ARHGAP6: variants seen among roughly 807,000 people sequenced by gnomAD.
ARHGAP6 encodes Rho GTPase activating protein 6, also known as rho GTPase-activating protein 6.
A neutral mutation model predicts 55.7 loss-of-function variants in ARHGAP6; 16 were observed. The ratio of observed to expected loss-of-function variants is 0.29; its 90% CI spans 0.19 to 0.44. ARHGAP6 has a LOEUF of 0.44. Among genes scored for constraint, ARHGAP6 ranks in the 20% least tolerant of loss-of-function variants. ARHGAP6 has a pLI of 1.00. For synonymous variants in ARHGAP6, 382 were observed against 360.9 expected, an observed-to-expected ratio of 1.06 and a Z score of -0.66; for missense variants, 698 against 808.9, an observed-to-expected ratio of 0.86 and a Z score of 1.66.
At chrX:11,354,327 C>CTCTCTCTCTCTA (rs1343744315) in intron 1 of ARHGAP6, among the ~76,000 whole-genome samples, 13 of 32,348 alleles carry the variant, frequency 4.0e-4, no homozygotes, top group African/African-American at 5.4e-4. Context: ...CTCTCTCTCT[C>CTCTCTCTCTCTA]TATATATATA....
intron 1 of ARHGAP6, among the ~76,000 whole-genome samples, chrX:11,586,244 G>A (rs1471619313): frequency 1.8e-5 from 2 of 111,953 alleles, no homozygotes; most frequent in Non-Finnish European, 3.8e-5. Context: ...TGAAATATTT[G>A]CCCATTCCTA....
intron 4 of ARHGAP6, 56 bp from the exon 5 acceptor site, chrX:11,186,487 GC>G: frequency 2.1e-6 from 2 of 943,959 alleles, no homozygotes; most frequent in Non-Finnish European, 1.5e-6. Flanking sequence ...AAACCCAGCT[GC>G]CCCCAGATGC....
At chrX:11,315,211 G>A (rs771050983) in intron 1 of ARHGAP6, among the ~76,000 whole-genome samples, 4 of 112,391 alleles carry the variant, frequency 3.6e-5, no homozygotes, top group African/African-American at 6.5e-5. Context: ...TTTGGCACCA[G>A]GGACCGGTTT....
chrX:11,618,279 A>T (rs1448260353), intron 1 of ARHGAP6, among the ~76,000 whole-genome samples: 3 of 112,100 alleles, frequency 2.7e-5, no homozygotes, highest in Non-Finnish European at 5.6e-5. Flanking sequence ...GAACTGTAAG[A>T]TAACAAATTT....
chrX:11,630,194 G>A (rs748054528), intron 1 of ARHGAP6, among the ~76,000 whole-genome samples: 1 of 112,007 alleles, frequency 8.9e-6, no homozygotes, highest in South Asian at 3.7e-4. Flanking sequence ...AATTTGGCAT[G>A]TGTTTAGTAG....
At position 11,265,666 on chromosome X, in the gene ARHGAP6, T is replaced by C. The variant is rs1029841056; in HGVS notation, c.589-10959A>G. On this transcript the variant is annotated intron_variant, in intron 1 of 12. Coordinates refer to ENST00000337414, the MANE Select transcript of ARHGAP6 (RefSeq NM_013427.3). The stretch of plus-strand genomic sequence containing the variant: ...ATTTTCTGAAAAAGTAGTGTAAGTA[T>C]AGATATTTATATTGCTTACCCATAA... 5.9e-6 allele frequency: 5 copies of C among 844,625 alleles called. No individual in the cohort carries two copies. The South Asian group carries it at 1.6e-4, about 27-fold the overall frequency. The allele number at this position is 844,625 out of a possible 1,213,427, so 69.6% of individuals were successfully genotyped here.
At chrX:11,318,461 T>G (rs2048386248) in intron 1 of ARHGAP6, among the ~76,000 whole-genome samples, 1 of 111,856 alleles carries the variant, frequency 8.9e-6, no homozygotes, top group Non-Finnish European at 1.9e-5. Flanking sequence ...ATCCCCTATA[T>G]TTTTTGCATA....
intron 2 of ARHGAP6, among the ~76,000 whole-genome samples, chrX:11,202,462 C>A (rs1469461655): frequency 9.0e-6 from 1 of 110,813 alleles, no homozygotes; most frequent in Non-Finnish European, 1.9e-5. Flanking sequence ...TGGATAGTTA[C>A]CTTTACAACA....
In ARHGAP6 at chrX:11,153,237, G is replaced by T. The variant is rs184508052; in HGVS notation, c.1907+3292C>A. Among the ~76,000 whole-genome samples the T allele has an allele frequency of 4.5e-5, 5 of 110,937 alleles. No homozygotes were observed. The Admixed American group carries it at 4.8e-4, about 11-fold the overall frequency. On this transcript the variant is annotated intron_variant, in intron 10 of 12. Coordinates refer to ENST00000337414, the MANE Select transcript of ARHGAP6 (RefSeq NM_013427.3). ...GTGATACCCATGCATAGTAAAGTTTGAGAAGCATGAGTGAGTGAGTTTAAA... is the reference window on the plus strand; with the variant it reads ...GTGATACCCATGCATAGTAAAGTTTTAGAAGCATGAGTGAGTGAGTTTAAA...
chrX:11,298,981 T>G, intron 1 of ARHGAP6: 1 of 1,207,296 alleles, frequency 8.3e-7, no homozygotes, highest in Middle Eastern at 2.3e-4. Flanking sequence ...GTGGTGAGTA[T>G]ATTTTGAAGC....
intron 1 of ARHGAP6, among the ~76,000 whole-genome samples, chrX:11,612,620 C>G (rs1451012830): frequency 2.7e-5 from 3 of 112,096 alleles, no homozygotes; most frequent in Non-Finnish European, 3.8e-5. Context: ...ATGCTGACAC[C>G]CTGATCTTGC....
chrX:11,355,602 G>A (rs2048921534), intron 1 of ARHGAP6, among the ~76,000 whole-genome samples: 2 of 112,185 alleles, frequency 1.8e-5, no homozygotes, highest in African/African-American at 6.5e-5. Flanking sequence ...AAGGATAAGT[G>A]ACTTAAGGGT....
chrX:11,479,696 T>C (rs1376033116), intron 1 of ARHGAP6, among the ~76,000 whole-genome samples: 1 of 111,934 alleles, frequency 8.9e-6, no homozygotes, highest in Non-Finnish European at 1.9e-5. Flanking sequence ...CTGCCAATTA[T>C]GTAGCCAGTC....
At chrX:11,412,731 AATTT>A (rs2049701354) in intron 1 of ARHGAP6, among the ~76,000 whole-genome samples, 1 of 112,157 alleles carries the variant, frequency 8.9e-6, no homozygotes, top group Non-Finnish European at 1.9e-5. Flanking sequence ...GTACCATGGT[AATTT>A]GGAAGCTACC....
At chrX:11,284,797 G>T (rs1479276928) in intron 1 of ARHGAP6, among the ~76,000 whole-genome samples, 1 of 110,896 alleles carries the variant, frequency 9.0e-6, no homozygotes, top group Non-Finnish European at 1.9e-5. Flanking sequence ...TATTTGGGGG[G>T]CTTTCCTGTG....
chrX:11,142,280 G>A lies in ARHGAP6; in HGVS notation c.2210C>T (p.Thr737Ile). 8.3e-7 allele frequency: 1 copy of A among 1,202,591 alleles called. No individual in the cohort carries two copies. Among genetic ancestry groups the A allele is most frequent in the African/African-American group, 1.7e-5 (1 of 57,730 alleles). ...LSEEPFDIWG[T>I]WHSTLKSGSK... ...TCCGCTTTTTAATGTTGAATGCCAA[G>A]TTCCCCAGATATCGAAAGGCTCCTC... The change falls in exon 12 of 13, where the codon ACT (threonine) becomes ATT (isoleucine). Residue 737 changes from threonine to isoleucine, a missense_variant. Around this residue, in one of 3 missense-constraint regions of ARHGAP6, gnomAD observed 322 missense variants for 451.1 expected, o/e 0.71. Transcript: ENST00000337414.
intron 1 of ARHGAP6, among the ~76,000 whole-genome samples, chrX:11,464,351 A>T (rs2050273561): frequency 8.9e-6 from 1 of 112,231 alleles, no homozygotes; most frequent in South Asian, 3.7e-4. Flanking sequence ...CATATGATTA[A>T]TTTTTCTGAC....
intron 1 of ARHGAP6, among the ~76,000 whole-genome samples, chrX:11,455,019 T>C (rs2050183819): frequency 9.0e-6 from 1 of 111,501 alleles, no homozygotes; most frequent in Non-Finnish European, 1.9e-5. Context: ...AAACCAACAC[T>C]TAATTGCTCT....
At chrX:11,392,971 G>T (rs2049427406) in intron 1 of ARHGAP6, among the ~76,000 whole-genome samples, 1 of 111,472 alleles carries the variant, frequency 9.0e-6, no homozygotes, top group Admixed American at 9.6e-5. Flanking sequence ...GATTTTTAAT[G>T]GGGGCCCTTT....
Sources: gnomAD v4.1 joint callset for allele counts (sites outside exome capture counted in the v4.1 genomes callset) on GRCh38, gnomAD v4.1.1 for gene constraint, gnomAD v4.1.1 regional missense constraint, MANE v1.5 for transcripts, NCBI Gene and HGNC (gene_info 2026-07-23, HGNC 2026-07-21) for gene names.